The following HPSE2 variants were observed in gnomAD, a reference collection of about 807,000 sequenced individuals.
HPSE2 encodes heparanase 2 (inactive).
In HPSE2, 38 loss-of-function variants were observed where a neutral mutation model predicts 60.5. The ratio of observed to expected loss-of-function variants is 0.63; its 90% CI spans 0.48 to 0.82. The LOEUF (loss-of-function observed/expected upper bound fraction) is 0.82, where lower values mean the gene tolerates loss of function less well. HPSE2 is among the 40% of genes least tolerant of loss of function. HPSE2 has a pLI of 0.00. For synonymous variants in HPSE2, 295 were observed against 293.2 expected (o/e 1.01, Z -0.06); for missense variants, 713 against 740.4 (o/e 0.96, Z 0.43).
At chr10:98,724,745 T>G (rs1294776427) in intron 4 of HPSE2, among the ~76,000 whole-genome samples, 4 of 152,178 alleles carry the variant, frequency 2.6e-5, no homozygotes, top group African/African-American at 7.2e-5. Flanking sequence ...TCTTTTGATC[T>G]TTGTTGATTT....
chr10:99,051,949 T>TAAA (rs200859034), intron 3 of HPSE2, among the ~76,000 whole-genome samples: 85 of 145,142 alleles, frequency 5.9e-4, no homozygotes, highest in South Asian at 1.9e-3. Flanking sequence ...TGCTTGAAAT[T>TAAA]AAAAAAAAAA....
At chr10:98,924,393 G>A (rs1954384988) in intron 3 of HPSE2, 2 of 152,312 alleles carry the variant, frequency 1.3e-5, no homozygotes, top group Admixed American at 6.5e-5. Flanking sequence ...GGCTCCAGGT[G>A]TGTCCAGAGA....
At chr10:98,819,823 G>A (rs1276337892) in intron 3 of HPSE2, among the ~76,000 whole-genome samples, 1 of 152,086 alleles carries the variant, frequency 6.6e-6, no homozygotes, top group Admixed American at 6.5e-5. Context: ...ACAGAAGAAT[G>A]TAAAGCTAGG....
intron 3 of HPSE2, among the ~76,000 whole-genome samples, chr10:99,099,666 T>G (rs1843867562): frequency 6.6e-6 from 1 of 152,182 alleles, no homozygotes; most frequent in African/African-American, 2.4e-5. Context: ...GCACAGAGTT[T>G]GAGACCTAAG....
At chr10:98,949,239 CACGCAT>C (rs1233373809) in intron 3 of HPSE2, among the ~76,000 whole-genome samples, 1 of 109,668 alleles carries the variant, frequency 9.1e-6, no homozygotes, top group African/African-American at 3.6e-5. Flanking sequence ...CGCACACGCA[CACGCAT>C]GCGTGCACAC....
At chr10:98,861,004 T>G (rs572499994) in intron 3 of HPSE2, among the ~76,000 whole-genome samples, 37 of 152,164 alleles carry the variant, frequency 2.4e-4, no homozygotes, top group Admixed American at 1.3e-4. Flanking sequence ...GCTTCACAAA[T>G]GCATCTACTG....
intron 3 of HPSE2, among the ~76,000 whole-genome samples, chr10:98,901,798 G>T (rs944060960): frequency 6.6e-6 from 1 of 152,090 alleles, no homozygotes; most frequent in African/African-American, 2.4e-5. Flanking sequence ...ACCTTTGTAG[G>T]CCTATGTTTC....
intron 3 of HPSE2, among the ~76,000 whole-genome samples, chr10:99,138,456 G>T (rs1294916385): frequency 6.6e-6 from 1 of 152,132 alleles, no homozygotes; most frequent in African/African-American, 2.4e-5. Context: ...GTTTATTGTG[G>T]CACTATTTAC....
intron 9 of HPSE2, among the ~76,000 whole-genome samples, chr10:98,587,978 A>G (rs1033996710): frequency 2.0e-5 from 3 of 152,236 alleles, no homozygotes; most frequent in Non-Finnish European, 4.4e-5. Context: ...CATTCTCTAT[A>G]TATCATGCTG....
At position 99,050,404 on chromosome 10, in the gene HPSE2, A is replaced by G. The variant is rs141066012; in HGVS notation, c.610+93834T>C. Among the ~76,000 whole-genome samples, 16 of 152,316 alleles carry G rather than the reference A, an allele frequency of 1.1e-4. No individual in the cohort carries two copies. In the East Asian group the frequency reaches 1.9e-3, roughly 18 times the overall value. ...TACTGGTGGGAATATAAATTGATAC[A>G]GCCATTATGGAAAACAGTATGGATA... On this transcript the variant is annotated intron_variant, in intron 3 of 11. Coordinates refer to ENST00000370552, the MANE Select transcript of HPSE2 (RefSeq NM_021828.5).
intron 3 of HPSE2, among the ~76,000 whole-genome samples, chr10:98,804,898 T>C (rs1474137162): frequency 6.6e-6 from 1 of 151,992 alleles, no homozygotes; most frequent in African/African-American, 2.4e-5. Context: ...CCATAACATA[T>C]AAATAAATAA....
intron 9 of HPSE2, among the ~76,000 whole-genome samples, chr10:98,562,854 G>T (rs1182616927): frequency 6.6e-6 from 1 of 151,384 alleles, no homozygotes; most frequent in Non-Finnish European, 1.5e-5. Context: ...TTTTTTATTT[G>T]GATGGGTTGA....
chr10:98,951,108 G>A lies in HPSE2; in HGVS notation c.610+193130C>T, dbSNP rs375996483. Among the ~76,000 whole-genome samples, 464 of 152,294 alleles carry A rather than the reference G, an allele frequency of 3.0e-3. 1 individual carries two copies. Among genetic ancestry groups the A allele is most frequent in the African/African-American group, 0.011 (446 of 41,560 alleles). ...TAGACAAGGTAGAGGGGCACAAGAT[G>A]AGGAAGAAGATGAAAGAGCCATTTT... On this transcript the variant is annotated intron_variant, in intron 3 of 11. Transcript: ENST00000370552.
intron 3 of HPSE2, among the ~76,000 whole-genome samples, chr10:98,979,360 A>G (rs975321873): frequency 3.3e-5 from 5 of 152,200 alleles, no homozygotes; most frequent in African/African-American, 4.8e-5. Context: ...GCTATGGAAA[A>G]GATGAAAAAG....
In HPSE2 at chr10:98,745,081, A is replaced by C. The variant is rs550616690; in HGVS notation, c.611-1025T>G. 8.6e-3 allele frequency among the ~76,000 whole-genome samples: 1,307 copies of C among 152,280 alleles called. 21 individuals are homozygous for C. The highest frequency in any genetic ancestry group is 0.03 in the African/African-American group (1,240 of 41,548). On this transcript the variant is annotated intron_variant, in intron 3 of 11. Transcript: ENST00000370552. Reference sequence around the variant, plus strand: ...GCCAGGCGCGGTGGCGGCTGCCTGTAGTCCCAGCTACTCAGGAGGCTGAGG... The same window carrying C: ...GCCAGGCGCGGTGGCGGCTGCCTGTCGTCCCAGCTACTCAGGAGGCTGAGG...
Position 99,235,728 on chromosome 10 carries a change from C to G in HPSE2, c.75G>C (p.Gly25=), listed in dbSNP as rs1290580574. The change falls in exon 1 of 12, where the codon GGG becomes GGC. Residue 25 remains glycine, a synonymous_variant. Transcript: ENST00000370552. ...NSRPPACLAP[G]ALYLALLLHL... ...GGAGCAACAGAGCCAAGTAGAGAGC[C>G]CCCGGGGCTAGGCACGCGGGGGGGC... 6.2e-7 allele frequency: 1 copy of G among 1,613,870 alleles called. No individual in the cohort carries two copies. Among genetic ancestry groups the G allele is most frequent in the Admixed American group, 1.7e-5 (1 of 59,982 alleles).
chr10:98,510,475 AGT>A (rs1262293577), intron 9 of HPSE2, among the ~76,000 whole-genome samples: 2 of 152,170 alleles, frequency 1.3e-5, no homozygotes, highest in African/African-American at 2.4e-5. Flanking sequence ...AAACCAGTAG[AGT>A]GTGCACTGCT....
intron 2 of HPSE2, among the ~76,000 whole-genome samples, chr10:99,164,266 T>TTCAAGC: frequency 7.9e-6 from 1 of 126,070 alleles, no homozygotes; most frequent in East Asian, 2.4e-4. Flanking sequence ...TATATATATA[T>TTCAAGC]ATATATATAT....
intron 9 of HPSE2, among the ~76,000 whole-genome samples, chr10:98,543,734 GC>G (rs1464878975): frequency 4.6e-5 from 7 of 151,982 alleles, no homozygotes; most frequent in Admixed American, 2.0e-4. Context: ...GACAAAGAAG[GC>G]CATTACATAA....
Sources: gnomAD v4.1 joint callset for allele counts (sites outside exome capture counted in the v4.1 genomes callset) on GRCh38, gnomAD v4.1.1 for gene constraint, MANE v1.5 for transcripts, NCBI Gene and HGNC (gene_info 2026-07-23, HGNC 2026-07-21) for gene names.